The following ADCYAP1R1 variants were observed in gnomAD, a reference collection of about 807,000 sequenced individuals.
The protein encoded by ADCYAP1R1 is pituitary adenylate cyclase-activating polypeptide type I receptor.
Under a neutral mutation model 67.6 loss-of-function variants are expected in ADCYAP1R1, and 44 were observed. That is an observed-to-expected ratio of 0.65 (90% CI 0.51 to 0.84). The LOEUF is 0.84. Among genes scored for constraint, ADCYAP1R1 ranks in the 40% least tolerant of loss-of-function variants. The probability of loss-of-function intolerance (pLI) is 0.00; values close to 1 mark genes in which losing one functional copy is unlikely to be tolerated. For missense variants in ADCYAP1R1, 477 were observed against 587.9 expected, an observed-to-expected ratio of 0.81 and a Z score of 1.95; for synonymous variants, 222 against 219.6, an observed-to-expected ratio of 1.01 and a Z score of -0.10.
chr7:31,105,534 G>A (rs576381858), intron 15 of ADCYAP1R1, among the ~76,000 whole-genome samples: 10 of 152,346 alleles, frequency 6.6e-5, no homozygotes, highest in African/African-American at 2.2e-4. Context: ...CAAAACAGAG[G>A]TGCTGGGGCA....
At chr7:31,060,894 A>G (rs1383364909) in intron 1 of ADCYAP1R1, among the ~76,000 whole-genome samples, 1 of 152,198 alleles carries the variant, frequency 6.6e-6, no homozygotes, top group Admixed American at 6.5e-5. Context: ...CTAGCTATAC[A>G]CGAGCATCAC....
At chr7:31,055,602 C>A (rs1484051702) in intron 1 of ADCYAP1R1, among the ~76,000 whole-genome samples, 1 of 152,132 alleles carries the variant, frequency 6.6e-6, no homozygotes, top group East Asian at 1.9e-4. Flanking sequence ...TCTTTTAATT[C>A]TTTCCAACCA....
At chr7:31,104,349 A>G (rs1235413883) in intron 14 of ADCYAP1R1, among the ~76,000 whole-genome samples, 2 of 152,010 alleles carry the variant, frequency 1.3e-5, no homozygotes, top group Admixed American at 6.5e-5. Flanking sequence ...TTTAAAGAAT[A>G]TATAGAGAAT....
rs146852802 is a variant in ADCYAP1R1 at position 31,078,019 on chromosome 7, G to C, written c.186G>C (p.Thr62=). 1.2e-6 allele frequency: 2 copies of C among 1,612,734 alleles called. No homozygotes were observed. The highest frequency in any genetic ancestry group is 2.2e-5 in the East Asian group (1 of 44,874). The change falls in exon 4 of 16, where the codon ACG becomes ACC. Residue 62 remains threonine (T), a synonymous_variant. Coordinates refer to ENST00000304166, the MANE Select transcript of ADCYAP1R1 (RefSeq NM_001118.5). ...GTCCTGGGATGTGGGACAACATCAC[G>C]TGTTGGAAGCCCGCCCATGTGGGTG... ...PGCPGMWDNI[T]CWKPAHVGEM... is the part of the protein sequence containing the mutation.
chr7:31,076,545 A>C (rs1015804997), intron 3 of ADCYAP1R1, among the ~76,000 whole-genome samples: 2 of 152,026 alleles, frequency 1.3e-5, no homozygotes, highest in African/African-American at 4.8e-5. Context: ...ATTCCTCAAC[A>C]CCTCTCAGTT....
chr7:31,078,047 A>G lies in ADCYAP1R1; in HGVS notation c.214A>G (p.Met72Val). Reference sequence around the variant, plus strand: ...TTGGAAGCCCGCCCATGTGGGTGAGATGGTCCTGGTCAGCTGCCCTGAGCT... The same window carrying G: ...TTGGAAGCCCGCCCATGTGGGTGAGGTGGTCCTGGTCAGCTGCCCTGAGCT... The part of the protein sequence containing the change: ...TCWKPAHVGE[M>V]VLVSCPELFR... Residue 72 changes from methionine (M) to valine (V), a missense_variant, in exon 4 of 16, where the codon ATG becomes GTG. Transcript: ENST00000304166. 1 of 1,613,280 alleles carries G rather than the reference A, an allele frequency of 6.2e-7. No homozygotes were observed.
At chr7:31,075,228 A>G (rs1795159966) in intron 3 of ADCYAP1R1, among the ~76,000 whole-genome samples, 1 of 152,196 alleles carries the variant, frequency 6.6e-6, no homozygotes, top group African/African-American at 2.4e-5. Flanking sequence ...AACTGGGATA[A>G]TGAAATTAAT....
At chr7:31,100,176 T>C in intron 13 of ADCYAP1R1, 2 of 1,550,578 alleles carry the variant, frequency 1.3e-6, no homozygotes, top group Middle Eastern at 1.7e-4. Context: ...TCAGCAGCAC[T>C]CTTGCAAGAT....
chr7:31,083,094 C>T (rs1465053063), intron 6 of ADCYAP1R1, among the ~76,000 whole-genome samples: 3 of 152,250 alleles, frequency 2.0e-5, no homozygotes, highest in Non-Finnish European at 4.4e-5. Flanking sequence ...CCCTTTTCTG[C>T]AGGTGTCTCT....
rs940501900 is a variant in ADCYAP1R1, at chr7:31,098,712, G to T, written c.1047-4525G>T. Among the ~76,000 whole-genome samples, 13 of 119,638 alleles carry T rather than the reference G, an allele frequency of 1.1e-4. No homozygotes were observed. In the South Asian group the frequency reaches 1.1e-3, roughly 10 times the overall value. 78.5% of individuals were successfully genotyped at this position (119,638 alleles called of 152,430 possible). ...CACAGATGCAGCGGGGCGGGGGGGG[G>T]GGGGGGACCTGGGCTTGCCCCATCT... On this transcript the variant is annotated intron_variant, in intron 13 of 15. Transcript: ENST00000304166.
Position 31,106,784 on chromosome 7 carries a change from G to A in ADCYAP1R1, c.*100G>A. Reference sequence around the variant, plus strand: ...GCGCCTCTTCCCTCCCCTTGGGCAGGCCCTGGGCTGGAAGCTTGGCTCCTG... The same window carrying A: ...GCGCCTCTTCCCTCCCCTTGGGCAGACCCTGGGCTGGAAGCTTGGCTCCTG... On this transcript the variant is annotated 3_prime_UTR_variant, in exon 16 of 16. Coordinates refer to ENST00000304166, the MANE Select transcript of ADCYAP1R1 (RefSeq NM_001118.5). 1.5e-6 allele frequency: 2 copies of A among 1,372,388 alleles called. No individual in the cohort carries two copies. The highest frequency in any genetic ancestry group is 1.9e-6 in the Non-Finnish European group (2 of 1,035,508). The allele number at this position is 1,372,388 out of a possible 1,614,324, so 85.0% of individuals were successfully genotyped here.
intron 3 of ADCYAP1R1, among the ~76,000 whole-genome samples, chr7:31,072,234 C>G (rs1381141471): frequency 6.6e-6 from 1 of 152,160 alleles, no homozygotes; most frequent in South Asian, 2.1e-4. Context: ...CAACTTCACA[C>G]AGTCATTCAG....
chr7:31,076,787 C>G (rs2128624602), intron 3 of ADCYAP1R1, among the ~76,000 whole-genome samples: 1 of 152,284 alleles, frequency 6.6e-6, no homozygotes, highest in South Asian at 2.1e-4. Flanking sequence ...CAGCCTGTTC[C>G]TGCCCCTCCC....
intron 4 of ADCYAP1R1, among the ~76,000 whole-genome samples, chr7:31,079,901 G>C (rs866442552): frequency 2.6e-5 from 4 of 152,218 alleles, no homozygotes; most frequent in Admixed American, 6.5e-5. Flanking sequence ...CAGTGGGACT[G>C]GGGGGCAGTC....
intron 3 of ADCYAP1R1, among the ~76,000 whole-genome samples, chr7:31,065,460 C>T (rs1794695831): frequency 6.6e-6 from 1 of 152,206 alleles, no homozygotes; most frequent in African/African-American, 2.4e-5. Context: ...TCCTGCTTCC[C>T]TCCACTGGAG....
At chr7:31,066,629 C>T (rs1047872956) in intron 3 of ADCYAP1R1, among the ~76,000 whole-genome samples, 1 of 150,336 alleles carries the variant, frequency 6.7e-6, no homozygotes, top group Non-Finnish European at 1.5e-5. Flanking sequence ...ACATCTGAAT[C>T]ACTGGGGAAC....
chr7:31,086,477 C>A lies in ADCYAP1R1; in HGVS notation c.763C>A (p.Leu255Met). The A allele has an allele frequency of 6.2e-7, 1 of 1,614,208 alleles. No homozygotes were observed. Among genetic ancestry groups the A allele is most frequent in the Non-Finnish European group, 8.5e-7 (1 of 1,180,014 alleles). The stretch of plus-strand genomic sequence containing the variant: ...CGAGGGCCTGTACCTCTTCACTCTG[C>A]TGGTGGAGACCTTCTTCCCTGAAAG... ...FIEGLYLFTL[L>M]VETFFPERRY... Residue 255 changes from leucine to methionine, a missense_variant, in exon 10 of 16, where the codon CTG (leucine) becomes ATG (methionine). By Grantham distance (15) the Leu-to-Met change is conservative. Transcript: ENST00000304166. This position sits in a 1 kb window ranked among gnomAD's most constrained non-coding sequence, Gnocchi z 5.0.
intron 14 of ADCYAP1R1, 27 bp from the exon 15 acceptor site, chr7:31,104,841 C>T (rs1016501799): frequency 6.2e-7 from 1 of 1,613,866 alleles, no homozygotes. Flanking sequence ...TTGCTAGCAT[C>T]CTCAGGCTTA....
At chr7:31,106,438 G>C in intron 15 of ADCYAP1R1, 58 bp from the exon 16 acceptor site, 1 of 1,553,992 alleles carries the variant, frequency 6.4e-7, no homozygotes, top group South Asian at 1.3e-5. Flanking sequence ...CCAGGACAGG[G>C]CCTGGAGGCT....
Sources: gnomAD v4.1 joint callset for allele counts (sites outside exome capture counted in the v4.1 genomes callset) on GRCh38, gnomAD v4.1.1 for gene constraint, Gnocchi (gnomAD v3.1) non-coding constraint, MANE v1.5 for transcripts, NCBI Gene and HGNC (gene_info 2026-07-23, HGNC 2026-07-21) for gene names.